The following SORBS3 variants were observed in gnomAD, a reference collection of about 807,000 sequenced individuals.
SORBS3 encodes sorbin and SH3 domain containing 3.
A neutral mutation model predicts 98.0 loss-of-function variants in SORBS3; 69 were observed. The observed-to-expected ratio is 0.70, with a 90% CI of 0.58 to 0.86. The LOEUF is 0.86. Among genes scored for constraint, SORBS3 ranks in the 40% least tolerant of loss-of-function variants. The probability of loss-of-function intolerance (pLI) is 0.00; values close to 1 mark genes in which losing one functional copy is unlikely to be tolerated. For synonymous variants in SORBS3, 394 were observed against 355.4 expected (o/e 1.11, Z -1.22); for missense variants, 954 against 908.5 (o/e 1.05, Z -0.64).
chr8:22,563,974 T>G lies in SORBS3; in HGVS notation c.585-13T>G, dbSNP rs1840348985. 6.2e-7 allele frequency: 1 copy of G among 1,604,474 alleles called. No homozygotes were observed. Among genetic ancestry groups the G allele is most frequent in the South Asian group, 1.1e-5 (1 of 90,912 alleles). ...TAAAAGGAAGCTGAAGAGATGTCCTTCCCTTTCTTTAGAAGAAGCTGGGAC... is the reference window on the plus strand; with the variant it reads ...TAAAAGGAAGCTGAAGAGATGTCCTGCCCTTTCTTTAGAAGAAGCTGGGAC... On this transcript the variant is annotated splice_polypyrimidine_tract_variant and intron_variant, in intron 7 of 20. Transcript: ENST00000240123.
chr8:22,567,035 C>A (rs1563832604), intron 15 of SORBS3, 26 bp from the exon 16 acceptor site: 2 of 1,592,920 alleles, frequency 1.3e-6, no homozygotes, highest in Non-Finnish European at 1.7e-6. Context: ...TTCAGCTTAC[C>A]CTGCGGTCCT....
At chr8:22,569,353 T>C (rs1322736015) in intron 17 of SORBS3, 80 bp downstream of exon 17, 9 of 1,283,838 alleles carry the variant, frequency 7.0e-6, no homozygotes, top group Non-Finnish European at 9.2e-6. Context: ...ACAGTTTTTT[T>C]TTTTTGAGAC....
At position 22,545,937 on chromosome 8, in the gene SORBS3, C is replaced by T. The variant is rs542920868; in HGVS notation, n.144+808C>T. 4.3e-4 allele frequency among the ~76,000 whole-genome samples: 65 copies of T among 152,224 alleles called. 1 individual carries two copies. The highest frequency in any genetic ancestry group is 2.5e-3 in the South Asian group (12 of 4,822). ...TGGTGACCCCCATAGCTGTTTTTCC[C>T]AATAGTTCTGTCAGCAGGCATTTTC... On this transcript the variant is annotated intron_variant and non_coding_transcript_variant, in intron 1 of 4. Coordinates refer to the SORBS3 transcript ENST00000522037.
chr8:22,571,238 C>G lies in SORBS3; in HGVS notation c.1743+17C>G, dbSNP rs55893847. On this transcript the variant is annotated intron_variant, in intron 18 of 20. Transcript: ENST00000240123. The stretch of plus-strand genomic sequence containing the variant: ...CAGACCCAGGTGAGGTAGCCTGCCT[C>G]CACCAGAGAGTCGACCTCCTCCTCA... 239,414 of 1,493,782 alleles carry G rather than the reference C, an allele frequency of 0.16. 20,740 individuals carry two copies. Among genetic ancestry groups the G allele is most frequent in the South Asian group, 0.24 (18,487 of 78,412 alleles). 92.5% of individuals were successfully genotyped at this position (1,493,782 alleles called of 1,614,324 possible).
chr8:22,566,344 G>T lies in SORBS3; in HGVS notation c.951-1G>T. 6.2e-7 allele frequency: 1 copy of T among 1,612,962 alleles called. No individual in the cohort carries two copies. Among genetic ancestry groups the T allele is most frequent in the Non-Finnish European group, 8.5e-7 (1 of 1,179,652 alleles). ...AGGCTCAGTCTCTGTGCCCCGTGCA[G>T]CCCGGCCTCAGCCTGGAGCTCCAGC... On this transcript the variant is annotated splice_acceptor_variant, in intron 12 of 20. Coordinates refer to ENST00000240123, the MANE Select transcript of SORBS3 (RefSeq NM_005775.5). LOFTEE classifies it high-confidence loss of function.
At chr8:22,551,914 G>A (rs1840089737), upstream of SORBS3, 1 of 985,280 alleles carries the variant, frequency 1.0e-6, no homozygotes. The surrounding 1 kb of genome is among the most constrained non-coding windows in gnomAD (Gnocchi z 5.8). Flanking sequence ...GACGGCCCGC[G>A]CTTCTCCTTG....
chr8:22,572,261 G>C, intron 19 of SORBS3, 79 bp from the exon 20 acceptor site: 1 of 1,146,458 alleles, frequency 8.7e-7, no homozygotes, highest in Non-Finnish European at 1.3e-6. Context: ...AGGGACCCTG[G>C]GGCATTCACA....
chr8:22,574,634 T>A (rs540323687), intron 20 of SORBS3, 33 bp from the exon 21 acceptor site: 1 of 1,606,120 alleles, frequency 6.2e-7, no homozygotes, highest in Non-Finnish European at 8.5e-7. Context: ...AAGAAGGGAG[T>A]GGGGAAAGCT....
At chr8:22,551,457 C>T (rs910242829), upstream of SORBS3, among the ~76,000 whole-genome samples, 1 of 152,122 alleles carries the variant, frequency 6.6e-6, no homozygotes. The surrounding 1 kb of genome is among the most constrained non-coding windows in gnomAD (Gnocchi z 5.8). Context: ...GTTCATCGCT[C>T]CTGCCCCTGT....
chr8:22,572,501 G>T, intron 20 of SORBS3, 55 bp downstream of exon 20: 2 of 1,370,218 alleles, frequency 1.5e-6, no homozygotes, highest in Non-Finnish European at 2.1e-6. Flanking sequence ...TGTGGGTGGG[G>T]TGCTGTTGCC....
At chr8:22,550,134 TAAG>T (rs1356495303), upstream of SORBS3, 4 of 499,678 alleles carry the variant, frequency 8.0e-6, no homozygotes, top group Non-Finnish European at 1.0e-5. Context: ...CTGGCGTGGA[TAAG>T]AAGGTTTCTA....
chr8:22,559,852 C>T (rs1408081447), intron 5 of SORBS3, among the ~76,000 whole-genome samples: 2 of 151,938 alleles, frequency 1.3e-5, no homozygotes, highest in South Asian at 4.1e-4. Context: ...GGGACTCATT[C>T]AAAAGAGATT....
chr8:22,569,117 C>A, intron 16 of SORBS3, 31 bp from the exon 17 acceptor site: 1 of 1,591,674 alleles, frequency 6.3e-7, no homozygotes, highest in Non-Finnish European at 8.6e-7. Context: ...ATGCCCAGGC[C>A]AAATCTTTCT....
In SORBS3 at chr8:22,564,369, G is replaced by T. The variant is rs199921518; in HGVS notation, c.762G>T (p.Arg254Ser). 3.7e-5 allele frequency: 59 copies of T among 1,614,070 alleles called. No homozygotes were observed. In the East Asian group the frequency reaches 1.2e-3, roughly 33 times the overall value. The stretch of plus-strand genomic sequence containing the variant: ...TGCAGGAACTAGAGACTGGGCAGAG[G>T]GTGAGTGCTGGCTGGCTCTCGGGGT... Reference protein sequence around the residue: ...QFLQELETGQRPKKPLVDDPG... With the variant: ...QFLQELETGQSPKKPLVDDPG... Residue 254 changes from arginine to serine, a missense_variant and splice_region_variant, in exon 9 of 21, where the codon AGG becomes AGT. Coordinates refer to ENST00000240123, the MANE Select transcript of SORBS3 (RefSeq NM_005775.5).
At chr8:22,555,242 A>G (rs979992709) in intron 3 of SORBS3, among the ~76,000 whole-genome samples, 2 of 152,188 alleles carry the variant, frequency 1.3e-5, no homozygotes, top group African/African-American at 4.8e-5. Flanking sequence ...GGAAGCGTGC[A>G]GGAGCCCTGG....
chr8:22,573,237 G>A (rs181967996), intron 20 of SORBS3: 1 of 437,664 alleles, frequency 2.3e-6, no homozygotes, highest in Admixed American at 2.4e-5. Context: ...ACCTTCTAGT[G>A]GGGGAGGGAG....
chr8:22,566,518 G>A lies in SORBS3; in HGVS notation c.1090+34G>A, dbSNP rs760550675. The A allele has an allele frequency of 7.5e-6, 12 of 1,606,176 alleles. No individual in the cohort carries two copies. In the South Asian group the frequency reaches 1.3e-4, roughly 18 times the overall value. On this transcript the variant is annotated intron_variant, in intron 13 of 20. Transcript: ENST00000240123. ...CCAGCCCTGCTCTCTTTCTCACGGA[G>A]ATGCCCACCCACCAGGCATGTTGGT...
intron 16 of SORBS3, among the ~76,000 whole-genome samples, chr8:22,568,935 C>A (rs1840494384): frequency 6.6e-6 from 1 of 152,212 alleles, no homozygotes; most frequent in Non-Finnish European, 1.5e-5. Context: ...ATGGAAAATT[C>A]TTCTTCCAGG....
In SORBS3 at chr8:22,554,549, G is replaced by A. The variant is rs139783217; in HGVS notation, c.43G>A (p.Asp15Asn). ...PRSLRAGLSL[D>N]DFIPGHLQSH... ...CAGCCTCCGCGCTGGGCTCAGCCTG[G>A]ACGACTTCATCCCTGGCCACCTCCA... is the stretch of plus-strand genomic sequence containing the variant. The change falls in exon 2 of 21, where the codon GAC becomes AAC. Residue 15 changes from aspartate to asparagine, a missense_variant. Transcript: ENST00000240123. This position sits in a 1 kb window ranked among gnomAD's most constrained non-coding sequence, Gnocchi z 6.5. The A allele has an allele frequency of 1.9e-5, 31 of 1,612,830 alleles. No individual in the cohort carries two copies. In the African/African-American group the frequency reaches 4.0e-4, roughly 21 times the overall value.
Sources: gnomAD v4.1 joint callset for allele counts (sites outside exome capture counted in the v4.1 genomes callset) on GRCh38, gnomAD v4.1.1 for gene constraint, Gnocchi (gnomAD v3.1) non-coding constraint, MANE v1.5 for transcripts, NCBI Gene and HGNC (gene_info 2026-07-23, HGNC 2026-07-21) for gene names.